NCL: variants seen among roughly 807,000 people sequenced by gnomAD.
NCL encodes nucleolin multifunctional protein.
Under a neutral mutation model 77.7 loss-of-function variants are expected in NCL, and 4 were observed. The observed-to-expected ratio is 0.05, with a 90% CI of 0.03 to 0.12. The LOEUF is 0.12. Among genes scored for constraint, NCL ranks in the 10% least tolerant of loss-of-function variants. The probability of loss-of-function intolerance (pLI) is 1.00; values close to 1 mark genes in which losing one functional copy is unlikely to be tolerated. For missense variants in NCL, 763 were observed against 860.9 expected, an observed-to-expected ratio of 0.89 and a Z score of 1.42; for synonymous variants, 344 against 297.8, an observed-to-expected ratio of 1.16 and a Z score of -1.60.
chr2:231,455,263 T>C lies in NCL; in HGVS notation c.2061A>G (p.Arg687=), dbSNP rs1200887351. ...CTCCTCTGCCTCCTCGGAAGCCTCC[T>C]CGCCCTACAGGAGGAAGGCAAGACA... is the stretch of plus-strand genomic sequence containing the variant. The part of the protein sequence containing the change: ...GGRGRGGFGG[R]GGFRGGRGGG... The change falls in exon 14 of 14, where the codon CGA becomes CGG. Residue 687 remains arginine (R), a synonymous_variant. Coordinates refer to ENST00000322723, the MANE Select transcript of NCL (RefSeq NM_005381.3). The C allele has an allele frequency of 3.7e-6, 6 of 1,614,060 alleles. No individual in the cohort carries two copies. The highest frequency in any genetic ancestry group is 5.1e-6 in the Non-Finnish European group (6 of 1,180,026).
At position 231,455,522 on chromosome 2, in the gene NCL, G is replaced by A; in HGVS notation, c.1935C>T (p.Ala645=). ...CGAAGCCACCTTCACCCTTAGGTTT[G>A]GCCCAGTCCAAGGTAACTTTATTTC... ...IDGNKVTLDW[A]KPKGEGGFGG... The change falls in exon 13 of 14, where the codon GCC becomes GCT. Residue 645 remains alanine, a synonymous_variant. Coordinates refer to ENST00000322723, the MANE Select transcript of NCL (RefSeq NM_005381.3). The A allele has an allele frequency of 1.2e-6, 2 of 1,614,148 alleles. No individual in the cohort carries two copies. The highest frequency in any genetic ancestry group is 1.7e-6 in the Non-Finnish European group (2 of 1,180,026).
intron 6 of NCL, 97 bp downstream of exon 6, chr2:231,460,055 T>G: frequency 7.7e-7 from 1 of 1,305,814 alleles, no homozygotes; most frequent in Non-Finnish European, 1.1e-6. Flanking sequence ...TTTACAGTAT[T>G]CATGTTTAAC....
In NCL at chr2:231,459,061, A is replaced by C. The variant is rs1053172373; in HGVS notation, c.1105T>G (p.Leu369Val). 5 of 1,606,838 alleles carry C rather than the reference A, an allele frequency of 3.1e-6. No homozygotes were observed. The highest frequency in any genetic ancestry group is 4.2e-6 in the Non-Finnish European group (5 of 1,177,612). Residue 369 changes from leucine (L) to valine (V), a missense_variant, in exon 7 of 14, where the codon TTG becomes GTG. Transcript: ENST00000322723. ...TTAATTTCATTGCCAAAGACTTTCA[A>C]ACCAGTGAGTTCCAACGCTTTCTCC... is the stretch of plus-strand genomic sequence containing the variant. Reference protein sequence around the residue: ...DLEKALELTGLKVFGNEIKLE... With the variant: ...DLEKALELTGVKVFGNEIKLE...
intron 4 of NCL, 26 bp downstream of exon 4, chr2:231,460,643 C>G (rs200732855): frequency 1.2e-6 from 2 of 1,614,090 alleles, no homozygotes; most frequent in South Asian, 2.2e-5. Context: ...TAACTCATGT[C>G]GTATGTCAGA....
At position 231,461,544 on chromosome 2, in the gene NCL, TTCCTCATCGTCATCGTCA is replaced by T. The variant is rs759270884; in HGVS notation, c.591_608del (p.Asp197_Glu202del). 2.0e-5 allele frequency: 32 copies of T among 1,613,206 alleles called. No homozygotes were observed. Among genetic ancestry groups the T allele is most frequent in the African/African-American group, 1.6e-4 (12 of 74,854 alleles). On this transcript the variant is annotated inframe_deletion, in exon 3 of 14. Transcript: ENST00000322723. ...ACTACCAAGACAACTCCTTACCATC[TTCCTCATCGTCATCGTCA>T]TCCTCATCATCTTCGTCATCCTCAT... is the stretch of plus-strand genomic sequence containing the variant.
In NCL at chr2:231,458,321, C is replaced by T. The variant is rs1004100546; in HGVS notation, c.1234G>A (p.Val412Met). 1 of 1,614,096 alleles carries T rather than the reference C, an allele frequency of 6.2e-7. No individual in the cohort carries two copies. Among genetic ancestry groups the T allele is most frequent in the Non-Finnish European group, 8.5e-7 (1 of 1,179,980 alleles). ...CTGATCTCCGCAGCATCTTCAAACA[C>T]TTCTTTCAATTCATCCTGAGTGACT... ...YKVTQDELKEVFEDAAEIRLV... is the reference protein window; with the variant it reads ...YKVTQDELKEMFEDAAEIRLV... Residue 412 changes from valine to methionine, a missense_variant, in exon 8 of 14, where the codon GTG (valine) becomes ATG (methionine). Around this residue, in one of 2 missense-constraint regions of NCL, gnomAD observed 590 missense variants for 570.5 expected, o/e 1.03. Transcript: ENST00000322723.
At chr2:231,462,538 AGT>A in intron 2 of NCL, 1 of 515,168 alleles carries the variant, frequency 1.9e-6, no homozygotes, top group Non-Finnish European at 3.9e-6. Flanking sequence ...CACATCAAAG[AGT>A]GTGCATGGTA....
intron 12 of NCL, 189 bp from the exon 13 acceptor site, chr2:231,455,813 T>A: frequency 8.7e-7 from 1 of 1,151,490 alleles, no homozygotes; most frequent in Non-Finnish European, 1.3e-6. Flanking sequence ...TGTCTCACAA[T>A]ACAGCTAAAT....
Position 231,460,524 on chromosome 2 carries a change from C to A in NCL, c.852G>T (p.Met284Ile). ...CTTCAGGAGCTGCTTTCTGTTTGGC[C>A]ATTTCCTTCTTTCGTTTTCCAGGTG... ...KEAPGKRKKE[M>I]AKQKAAPEAK... is the part of the protein sequence containing the mutation. Residue 284 changes from methionine (M) to isoleucine (I), a missense_variant, in exon 5 of 14, where the codon ATG becomes ATT. By Grantham distance (10) the Met-to-Ile change is conservative. Around this residue, in one of 2 missense-constraint regions of NCL, gnomAD observed 590 missense variants for 570.5 expected, o/e 1.03. Transcript: ENST00000322723. 6.2e-7 allele frequency: 1 copy of A among 1,614,178 alleles called. No homozygotes were observed. Among genetic ancestry groups the A allele is most frequent in the Non-Finnish European group, 8.5e-7 (1 of 1,180,032 alleles).
intron 3 of NCL, among the ~76,000 whole-genome samples, chr2:231,461,104 T>A (rs943254857): frequency 3.3e-5 from 5 of 151,750 alleles, no homozygotes; most frequent in Non-Finnish European, 7.4e-5. Context: ...CATGGTGAAA[T>A]GTCGTCTCTA....
At chr2:231,455,714 A>G (rs938941781) in intron 12 of NCL, 90 bp from the exon 13 acceptor site, 1 of 1,432,334 alleles carries the variant, frequency 7.0e-7, no homozygotes, top group Non-Finnish European at 9.8e-7. Flanking sequence ...CATCCCACAG[A>G]AAGTAGCCTT....
intron 1 of NCL, 140 bp from the exon 2 acceptor site, chr2:231,463,456 A>C: frequency 1.4e-6 from 1 of 716,838 alleles, no homozygotes; most frequent in South Asian, 1.6e-5. Flanking sequence ...CTAACATAGA[A>C]ACTACTCCTG....
Position 231,455,703 on chromosome 2 carries a change from C to T in NCL, c.1833-79G>A, listed in dbSNP as rs137866827. On this transcript the variant is annotated intron_variant, in intron 12 of 13. Transcript: ENST00000322723. ...CAAGTTAACTGTACATGCTGGGGAG[C>T]CATCCCACAGAAAGTAGCCTTGTTT... The T allele has an allele frequency of 2.2e-5, 33 of 1,476,934 alleles. 1 individual carries two copies. In the African/African-American group the frequency reaches 3.9e-4, roughly 17 times the overall value. The allele number at this position is 1,476,934 out of a possible 1,614,324, so 91.5% of individuals were successfully genotyped here.
chr2:231,456,337 C>T lies in NCL; in HGVS notation c.1706-201G>A, dbSNP rs550005492. 2.4e-5 allele frequency: 21 copies of T among 869,868 alleles called. No homozygotes were observed. In the East Asian group the frequency reaches 4.8e-4, roughly 20 times the overall value. 53.9% of individuals were successfully genotyped at this position (869,868 alleles called of 1,614,324 possible). A position where few individuals can be genotyped will look rare whatever the true frequency, so the allele number is the denominator to read the frequency against. ...TTAATTGCCATTGCATAGTTGATAT[C>T]CTGCCCCAGATCTTCTATGGAAAGT... On this transcript the variant is annotated intron_variant, in intron 11 of 13. Transcript: ENST00000322723.
intron 7 of NCL, 28 bp downstream of exon 7, chr2:231,458,973 T>C (rs1226169644): frequency 4.1e-5 from 62 of 1,529,108 alleles, no homozygotes; most frequent in Non-Finnish European, 5.0e-5. Context: ...CCTGAGTTCA[T>C]TGCATAATCT....
chr2:231,460,049 C>T, intron 6 of NCL, 103 bp downstream of exon 6: 1 of 1,260,624 alleles, frequency 7.9e-7, no homozygotes, highest in Admixed American at 2.3e-5. Flanking sequence ...AAGATGTTTA[C>T]AGTATTCATG....
At position 231,454,865 on chromosome 2, in the gene NCL, A is replaced by C. The variant is rs1381097594; in HGVS notation, c.*326T>G. ...CGAACGCAAAAAAAAAAAAAACAAA[A>C]ACAAAACAAAAAAAAGAAACAACAA... On this transcript the variant is annotated 3_prime_UTR_variant, in exon 14 of 14. Coordinates refer to ENST00000322723, the MANE Select transcript of NCL (RefSeq NM_005381.3). 1 of 205,324 alleles carries C rather than the reference A, an allele frequency of 4.9e-6. No homozygotes were observed. 12.7% of individuals were successfully genotyped at this position (205,324 alleles called of 1,614,324 possible). A position where few individuals can be genotyped will look rare whatever the true frequency, so the allele number is the denominator to read the frequency against.
At position 231,464,254 on chromosome 2, in the gene NCL, G is replaced by A. The variant is rs1277260499; in HGVS notation, c.18+82C>T. 2.5e-5 allele frequency: 39 copies of A among 1,530,562 alleles called. No individual in the cohort carries two copies. The East Asian group carries it at 6.9e-4, about 27-fold the overall frequency. 94.8% of individuals were successfully genotyped at this position (1,530,562 alleles called of 1,614,324 possible). On this transcript the variant is annotated intron_variant, in intron 1 of 13. Coordinates refer to ENST00000322723, the MANE Select transcript of NCL (RefSeq NM_005381.3). ...CCCTAGAACGCGCCCGGGACTGCGC[G>A]CAGGCCCTCCTCCCCGCGGCGCCGC...
intron 11 of NCL, chr2:231,456,356 G>GGAAA (rs1226872613): frequency 7.9e-6 from 7 of 885,602 alleles, no homozygotes; most frequent in Admixed American, 7.8e-5. Context: ...GATCTTCTAT[G>GGAAA]GAAAGTGGGA....
Sources: allele counts gnomAD v4.1 joint callset (sites outside exome capture counted in the v4.1 genomes callset), GRCh38; gene constraint gnomAD v4.1.1; regional missense constraint gnomAD v4.1.1; transcripts MANE v1.5; gene names NCBI Gene and HGNC (gene_info 2026-07-23, HGNC 2026-07-21).